The following GALNT17 variants were observed in gnomAD, a reference collection of about 807,000 sequenced individuals.
GALNT17 encodes polypeptide N-acetylgalactosaminyltransferase 17.
A neutral mutation model predicts 63.7 loss-of-function variants in GALNT17; 29 were observed. The observed-to-expected ratio is 0.46, with a 90% confidence interval of 0.34 to 0.62. The LOEUF is 0.62. GALNT17 is among the 20% of genes least tolerant of loss of function. The probability of loss-of-function intolerance (pLI) is 0.01; values close to 1 mark genes in which losing one functional copy is unlikely to be tolerated. For missense variants in GALNT17, 603 were observed against 799.6 expected, an observed-to-expected ratio of 0.75 and a Z score of 2.97; for synonymous variants, 305 against 318.3, an observed-to-expected ratio of 0.96 and a Z score of 0.45.
At chr7:71,134,492 C>A (rs1296546727) in intron 1 of GALNT17, among the ~76,000 whole-genome samples, 1 of 152,128 alleles carries the variant, frequency 6.6e-6, no homozygotes, top group Non-Finnish European at 1.5e-5. Flanking sequence ...GAGGGGTGGT[C>A]AGATCTCTGA....
chr7:71,305,536 G>A (rs1283504658), intron 1 of GALNT17, among the ~76,000 whole-genome samples: 1 of 152,142 alleles, frequency 6.6e-6, no homozygotes, highest in African/African-American at 2.4e-5. Flanking sequence ...ATTTCATGGC[G>A]ATGTCTTTGG....
chr7:71,329,530 G>A (rs1791765400), intron 1 of GALNT17, among the ~76,000 whole-genome samples: 1 of 152,080 alleles, frequency 6.6e-6, no homozygotes, highest in South Asian at 2.1e-4. Flanking sequence ...ATGACGAAAA[G>A]AGGTTTAATT....
At chr7:71,201,241 T>TTATATATATA (rs760770848) in intron 1 of GALNT17, among the ~76,000 whole-genome samples, 1 of 138,378 alleles carries the variant, frequency 7.2e-6, no homozygotes, top group African/African-American at 2.8e-5. Context: ...GTGTTTATTT[T>TTATATATATA]TATATATATA....
chr7:71,541,264 G>A (rs1374188458), intron 5 of GALNT17, among the ~76,000 whole-genome samples: 5 of 146,760 alleles, frequency 3.4e-5, no homozygotes, highest in East Asian at 4.0e-4. Context: ...AAAATGCTGC[G>A]TATGATGGGT....
In GALNT17 at chr7:71,662,800, ATG is replaced by A. The variant is rs1790928297; in HGVS notation, c.1081-2610_1081-2609del. Among the ~76,000 whole-genome samples, 28 of 152,326 alleles carry A rather than the reference ATG, an allele frequency of 1.8e-4. No individual in the cohort carries two copies. The South Asian group carries it at 5.0e-3, about 27-fold the overall frequency. On this transcript the variant is annotated intron_variant, in intron 6 of 10. Coordinates refer to ENST00000333538, the MANE Select transcript of GALNT17 (RefSeq NM_022479.3). ...TGGGACATTTGCTTAATCCAAGGTC[ATG>A]AATTTTTACTCTTATGTTTTCTTCT...
chr7:71,167,531 C>T (rs1480546380), intron 1 of GALNT17, among the ~76,000 whole-genome samples: 1 of 152,072 alleles, frequency 6.6e-6, no homozygotes, highest in Non-Finnish European at 1.5e-5. Flanking sequence ...ATATTTTCTC[C>T]TAATGTGTGC....
intron 1 of GALNT17, among the ~76,000 whole-genome samples, chr7:71,323,207 G>A (rs1791647375): frequency 6.6e-6 from 1 of 152,068 alleles, no homozygotes. Flanking sequence ...TTGGGTAGAA[G>A]AAACAAAGGT....
intron 3 of GALNT17, among the ~76,000 whole-genome samples, chr7:71,414,563 T>C (rs1793490463): frequency 6.6e-6 from 1 of 152,108 alleles, no homozygotes; most frequent in Non-Finnish European, 1.5e-5. Flanking sequence ...CCCATATATC[T>C]TCCCTGAAGT....
intron 6 of GALNT17, among the ~76,000 whole-genome samples, chr7:71,583,862 C>T (rs551042191): frequency 4.6e-5 from 7 of 152,024 alleles, no homozygotes; most frequent in South Asian, 4.2e-4. Context: ...CGGTGGCTCA[C>T]GCCTGTAATC....
intron 3 of GALNT17, among the ~76,000 whole-genome samples, chr7:71,402,312 A>G (rs747684899): frequency 5.9e-5 from 9 of 152,236 alleles, no homozygotes; most frequent in Non-Finnish European, 1.2e-4. Flanking sequence ...TTATCTGCCT[A>G]TCTCTAAGTG....
intron 1 of GALNT17, among the ~76,000 whole-genome samples, chr7:71,208,555 ATCC>A (rs1239194483): frequency 1.4e-5 from 2 of 147,238 alleles, no homozygotes; most frequent in African/African-American, 5.1e-5. Context: ...GGCTCAAATG[ATCC>A]TCCTGTCTCA....
At chr7:71,422,125 A>G (rs191648886) in intron 5 of GALNT17, among the ~76,000 whole-genome samples, 1 of 152,202 alleles carries the variant, frequency 6.6e-6, no homozygotes, top group African/African-American at 2.4e-5. Context: ...TGGAACTAAA[A>G]TGAAGAAGGG....
intron 6 of GALNT17, among the ~76,000 whole-genome samples, chr7:71,576,527 C>T (rs374471917): frequency 1.2e-5 from 1 of 80,664 alleles, no homozygotes; most frequent in Non-Finnish European, 2.6e-5. Flanking sequence ...TGTTTTTTAA[C>T]TTTGTGTGTG....
intron 6 of GALNT17, among the ~76,000 whole-genome samples, chr7:71,639,877 G>A (rs1358681696): frequency 6.6e-6 from 1 of 152,138 alleles, no homozygotes; most frequent in Non-Finnish European, 1.5e-5. Context: ...GCAAAGGAGA[G>A]GATGGTTGAT....
intron 2 of GALNT17, among the ~76,000 whole-genome samples, chr7:71,379,268 T>C (rs1792800306): frequency 6.6e-6 from 1 of 152,012 alleles, no homozygotes; most frequent in African/African-American, 2.4e-5. Flanking sequence ...AACAAATTCA[T>C]AGTGGCTGGA....
At chr7:71,297,264 C>T (rs1175639234) in intron 1 of GALNT17, among the ~76,000 whole-genome samples, 5 of 152,166 alleles carry the variant, frequency 3.3e-5, no homozygotes, top group South Asian at 2.1e-4. Context: ...CGCCTGGGGC[C>T]GGGCACAGTG....
chr7:71,400,311 C>T (rs1793217573), intron 3 of GALNT17, among the ~76,000 whole-genome samples: 1 of 152,098 alleles, frequency 6.6e-6, no homozygotes, highest in South Asian at 2.1e-4. Context: ...TCATCTGTGT[C>T]CTTGCAAGAC....
chr7:71,308,966 A>G (rs1028384395), intron 1 of GALNT17, among the ~76,000 whole-genome samples: 1 of 151,586 alleles, frequency 6.6e-6, no homozygotes, highest in Non-Finnish European at 1.5e-5. Context: ...CTGGTCTCGA[A>G]CTCCTGACCT....
At chr7:71,455,196 AGTT>A (rs2116562629) in intron 5 of GALNT17, among the ~76,000 whole-genome samples, 1 of 151,750 alleles carries the variant, frequency 6.6e-6, no homozygotes, top group Admixed American at 6.6e-5. Context: ...AATGCTGGTC[AGTT>A]GTTCATGTTG....
Sources: gnomAD v4.1 joint callset for allele counts (sites outside exome capture counted in the v4.1 genomes callset) on GRCh38, gnomAD v4.1.1 for gene constraint, MANE v1.5 for transcripts, NCBI Gene and HGNC (gene_info 2026-07-23, HGNC 2026-07-21) for gene names.